The following ERLIN2 variants were observed in gnomAD, a reference collection of about 807,000 sequenced individuals.
ERLIN2 encodes erlin-2.
A neutral mutation model predicts 41.5 loss-of-function variants in ERLIN2; 22 were observed. The ratio of observed to expected loss-of-function variants is 0.53; its 90% CI spans 0.38 to 0.76. ERLIN2 has a LOEUF of 0.76. ERLIN2 is among the 30% of genes least tolerant of loss of function. ERLIN2 has a pLI of 0.00. For synonymous variants in ERLIN2, 149 were observed against 150.9 expected, an observed-to-expected ratio of 0.99 and a Z score of 0.09; for missense variants, 247 against 414.3, an observed-to-expected ratio of 0.60 and a Z score of 3.51.
rs750902772 is a variant in ERLIN2 at position 37,749,891 on chromosome 8, C to T, written c.557+39C>T. The T allele has an allele frequency of 1.4e-5, 21 of 1,521,164 alleles. No individual in the cohort carries two copies. The East Asian group carries it at 4.5e-4, about 33-fold the overall frequency. 94.2% of individuals were successfully genotyped at this position (1,521,164 alleles called of 1,614,324 possible). On this transcript the variant is annotated intron_variant, in intron 8 of 11. Coordinates refer to ENST00000519638, the MANE Select transcript of ERLIN2 (RefSeq NM_007175.8). ...CCGCCTGGGCTGTGACCACCACTGC[C>T]TCCCACCTCCCACCTCGTCCCATCC... is the stretch of plus-strand genomic sequence containing the variant.
rs78578713 is a variant in ERLIN2, at chr8:37,739,205, C to T, written c.108-1160C>T. Among the ~76,000 whole-genome samples the T allele has an allele frequency of 1.3e-3, 199 of 152,300 alleles. 3 individuals carry two copies. In the East Asian group the frequency reaches 0.036, roughly 27 times the overall value. The stretch of plus-strand genomic sequence containing the variant: ...AGTTCTAAAACTCTGATTGGAATTC[C>T]TCTCTCCTTTAATTCTTTCTCCCCA... On this transcript the variant is annotated intron_variant, in intron 2 of 11. Coordinates refer to ENST00000519638, the MANE Select transcript of ERLIN2 (RefSeq NM_007175.8).
rs1045493985 is a variant in ERLIN2, at chr8:37,740,179, A to G, written c.108-186A>G. Among the ~76,000 whole-genome samples, 17 of 152,162 alleles carry G rather than the reference A, an allele frequency of 1.1e-4. 1 individual carries two copies. Among genetic ancestry groups the G allele is most frequent in the African/African-American group, 3.9e-4 (16 of 41,442 alleles). On this transcript the variant is annotated intron_variant, in intron 2 of 11. Coordinates refer to ENST00000519638, the MANE Select transcript of ERLIN2 (RefSeq NM_007175.8). Reference sequence around the variant, plus strand: ...ATGAACAATAGTTTTATGTTTTACCATCAGGCTTCCTAGAATATTAGGATC... The same window carrying G: ...ATGAACAATAGTTTTATGTTTTACCGTCAGGCTTCCTAGAATATTAGGATC...
chr8:37,750,633 A>G (rs1178723932), intron 9 of ERLIN2, 147 bp downstream of exon 9: 1 of 725,890 alleles, frequency 1.4e-6, no homozygotes, highest in African/African-American at 1.7e-5. Context: ...CCCAGAAACA[A>G]AGTTGAAATT....
In ERLIN2 at chr8:37,746,323, A is replaced by G. The variant is rs544147612; in HGVS notation, c.424+1627A>G. The G allele has an allele frequency of 1.2e-5, 12 of 985,448 alleles. No homozygotes were observed. The African/African-American group carries it at 1.9e-4, about 16-fold the overall frequency. 61.0% of individuals were successfully genotyped at this position (985,448 alleles called of 1,614,324 possible). A position where few individuals can be genotyped will look rare whatever the true frequency, so the allele number is the denominator to read the frequency against. ...CCGCATCCTCTTTGCCCATGTTATT[A>G]AAGTATTATCTAATACTTTGAAGTT... On this transcript the variant is annotated intron_variant, in intron 6 of 11. Transcript: ENST00000519638.
chr8:37,751,526 C>G (rs571756329), intron 9 of ERLIN2, 100 bp from the exon 10 acceptor site: 18 of 986,874 alleles, frequency 1.8e-5, no homozygotes, highest in South Asian at 1.7e-4. Context: ...TGGGGGCTCT[C>G]CAGACAAGCT....
intron 10 of ERLIN2, among the ~76,000 whole-genome samples, chr8:37,753,096 A>G (rs1435284014): frequency 6.6e-6 from 1 of 152,228 alleles, no homozygotes; most frequent in Non-Finnish European, 1.5e-5. Flanking sequence ...CTGCTGTGCT[A>G]CACAGACATG....
At chr8:37,737,104 T>A in intron 1 of ERLIN2, 2 of 480,516 alleles carry the variant, frequency 4.2e-6, no homozygotes, top group Non-Finnish European at 5.4e-6. Flanking sequence ...CACGCACAGC[T>A]GAACTTTGCA....
intron 10 of ERLIN2, among the ~76,000 whole-genome samples, chr8:37,752,836 C>T (rs893941734): frequency 2.6e-5 from 4 of 152,164 alleles, no homozygotes; most frequent in African/African-American, 7.2e-5. Context: ...TGGACCATGG[C>T]GTGTAATTCT....
chr8:37,737,998 A>T lies in ERLIN2; in HGVS notation c.76A>T (p.Ile26Leu), dbSNP rs1302684546. Reference sequence around the variant, plus strand: ...ATCTCTCTTCTCAGCTGTGCACAAGATAGAAGAGGGACATATTGGGGTATA... The same window carrying T: ...ATCTCTCTTCTCAGCTGTGCACAAGTTAGAAGAGGGACATATTGGGGTATA... ...CASLFSAVHK[I>L]EEGHIGVYYR... Residue 26 changes from isoleucine to leucine, a missense_variant, in exon 2 of 12, where the codon ATA (isoleucine) becomes TTA (leucine). Coordinates refer to ENST00000519638, the MANE Select transcript of ERLIN2 (RefSeq NM_007175.8). 1.2e-6 allele frequency: 2 copies of T among 1,614,068 alleles called. No homozygotes were observed. Among genetic ancestry groups the T allele is most frequent in the Admixed American group, 3.3e-5 (2 of 60,012 alleles).
chr8:37,746,517 A>C, intron 6 of ERLIN2: 1 of 976,090 alleles, frequency 1.0e-6, no homozygotes, highest in Non-Finnish European at 1.2e-6. Flanking sequence ...CTCCTCTGTA[A>C]ATAGCAAATG....
intron 4 of ERLIN2, among the ~76,000 whole-genome samples, chr8:37,743,659 T>G (rs921577611): frequency 3.3e-5 from 5 of 152,146 alleles, no homozygotes; most frequent in Non-Finnish European, 7.3e-5. Flanking sequence ...GGGTATTAGG[T>G]GATATTACAG....
Position 37,744,374 on chromosome 8 carries a change from T to C in ERLIN2, c.256T>C (p.Phe86Leu), listed in dbSNP as rs1364949537. Residue 86 changes from phenylalanine to leucine, a missense_variant, in exon 5 of 12, where the codon TTT becomes CTT. Around this residue, in one of 3 missense-constraint regions of ERLIN2, gnomAD observed 93 missense variants for 139.0 expected, o/e 0.67. Coordinates refer to ENST00000519638, the MANE Select transcript of ERLIN2 (RefSeq NM_007175.8). The part of the protein sequence containing the change: ...CGTSGGVMIY[F>L]DRIEVVNFLV... ...CAATAGTGGTGGTGTGATGATCTAC[T>C]TTGACAGAATTGAAGTGGTGAACTT... 1 of 1,614,026 alleles carries C rather than the reference T, an allele frequency of 6.2e-7. No homozygotes were observed. The highest frequency in any genetic ancestry group is 8.5e-7 in the Non-Finnish European group (1 of 1,179,986).
At chr8:37,742,834 A>G (rs1328988669) in intron 4 of ERLIN2, among the ~76,000 whole-genome samples, 1 of 152,210 alleles carries the variant, frequency 6.6e-6, no homozygotes, top group East Asian at 1.9e-4. Flanking sequence ...ATAAAATAAA[A>G]TTTTAACGTT....
At chr8:37,746,101 CTT>C (rs1000330329) in intron 6 of ERLIN2, 1 of 994,728 alleles carries the variant, frequency 1.0e-6, no homozygotes, top group African/African-American at 1.7e-5. Flanking sequence ...TGCTTTGAAA[CTT>C]TTTTATTTTT....
Position 37,753,926 on chromosome 8 carries a change from C to A in ERLIN2, c.831C>A (p.Thr277=). ...TTTTTTTTTAACAGCTGAAGCTAACCCCTGAATATCTGCAGCTGATGAAGT... is the reference window on the plus strand; with the variant it reads ...TTTTTTTTTAACAGCTGAAGCTAACACCTGAATATCTGCAGCTGATGAAGT... ...KIAEANKLKL[T]PEYLQLMKYK... The change falls in exon 12 of 12, where the codon ACC becomes ACA. Residue 277 remains threonine, a synonymous_variant. Transcript: ENST00000519638. 6.2e-7 allele frequency: 1 copy of A among 1,613,438 alleles called. No homozygotes were observed. The highest frequency in any genetic ancestry group is 1.1e-5 in the South Asian group (1 of 91,062).
chr8:37,750,003 C>T lies in ERLIN2; in HGVS notation c.557+151C>T, dbSNP rs934442161. On this transcript the variant is annotated intron_variant, in intron 8 of 11. Transcript: ENST00000519638. ...CCATTGCACTGTAAGATTGGGCAGG[C>T]GTGTCAGGGCCACCACTGGGGCTCC... 10 of 746,302 alleles carry T rather than the reference C, an allele frequency of 1.3e-5. No homozygotes were observed. The East Asian group carries it at 1.6e-4, about 12-fold the overall frequency. 46.2% of individuals were successfully genotyped at this position (746,302 alleles called of 1,614,324 possible).
intron 6 of ERLIN2, chr8:37,747,725 C>G: frequency 6.3e-7 from 1 of 1,585,622 alleles, no homozygotes. Flanking sequence ...CCACACTTTG[C>G]ACATTTCTTT....
At position 37,752,607 on chromosome 8, in the gene ERLIN2, C is replaced by CTGAGGGCACTCAG. The variant is rs1554517635; in HGVS notation, c.740-839_740-827dup. ...CAGGTTCCTTCCACGCGGGGTCACACTGAGGGCACTCAGTGAAAACCCACC... is the reference window on the plus strand; with the variant it reads ...CAGGTTCCTTCCACGCGGGGTCACACTGAGGGCACTCAGTGAGGGCACTCAGTGAAAACCCACC... On this transcript the variant is annotated intron_variant, in intron 10 of 11. Transcript: ENST00000519638. 2.8e-4 allele frequency among the ~76,000 whole-genome samples: 42 copies of CTGAGGGCACTCAG among 152,356 alleles called. 1 individual carries two copies. The highest frequency in any genetic ancestry group is 8.7e-4 in the African/African-American group (36 of 41,588).
rs1415054106 is a variant in ERLIN2, at chr8:37,757,799, A to T, written c.*3684A>T. The T allele has an allele frequency of 6.6e-6, 1 of 152,246 alleles. No individual in the cohort carries two copies. The highest frequency in any genetic ancestry group is 2.4e-5 in the African/African-American group (1 of 41,470). 9.4% of individuals were successfully genotyped at this position (152,246 alleles called of 1,614,324 possible). On this transcript the variant is annotated 3_prime_UTR_variant, in exon 12 of 12. Transcript: ENST00000519638. The stretch of plus-strand genomic sequence containing the variant: ...AGATGAAAATCTATCCCCATTATCG[A>T]TACAGAATTTGTGAACGTGGCATAA...
Sources: gnomAD v4.1 joint callset for allele counts (sites outside exome capture counted in the v4.1 genomes callset) on GRCh38, gnomAD v4.1.1 for gene constraint, gnomAD v4.1.1 regional missense constraint, MANE v1.5 for transcripts, NCBI Gene and HGNC (gene_info 2026-07-23, HGNC 2026-07-21) for gene names.